PRTG: variants seen among roughly 807,000 people sequenced by gnomAD.
PRTG encodes immunoglobulin superfamily, DCC subclass, member 5.
A neutral mutation model predicts 122.5 loss-of-function variants in PRTG; 67 were observed. The observed-to-expected ratio is 0.55, with a 90% CI of 0.45 to 0.67. The LOEUF (loss-of-function observed/expected upper bound fraction) is 0.67, where lower values mean the gene tolerates loss of function less well. PRTG is among the 30% of genes least tolerant of loss of function. The pLI is 0.00. For synonymous variants in PRTG, 554 were observed against 501.1 expected (o/e 1.11, Z -1.41); for missense variants, 1,435 against 1,415.4 (o/e 1.01, Z -0.22).
Position 55,742,994 on chromosome 15 carries a change from G to A in PRTG, c.-63C>T, listed in dbSNP as rs1271963018. On this transcript the variant is annotated 5_prime_UTR_variant, in exon 1 of 20. Transcript: ENST00000389286. ...GAGCCCCTGTCCGTCTGCGGCCCCC[G>A]CCCCGGGCGCTCTCTGCTCTGCGGC... 1.4e-5 allele frequency: 19 copies of A among 1,388,802 alleles called. No individual in the cohort carries two copies. The African/African-American group carries it at 2.3e-4, about 17-fold the overall frequency. The allele number at this position is 1,388,802 out of a possible 1,614,324, so 86.0% of individuals were successfully genotyped here.
intron 2 of PRTG, among the ~76,000 whole-genome samples, chr15:55,720,785 A>G (rs1263659221): frequency 6.6e-6 from 1 of 152,190 alleles, no homozygotes; most frequent in Non-Finnish European, 1.5e-5. Context: ...CGCTAACACT[A>G]ATGATAGGTG....
chr15:55,665,966 G>A (rs2059437084), intron 11 of PRTG, among the ~76,000 whole-genome samples: 1 of 152,146 alleles, frequency 6.6e-6, no homozygotes, highest in East Asian at 1.9e-4. Flanking sequence ...ATAACCACAT[G>A]CATGCATTTA....
intron 2 of PRTG, among the ~76,000 whole-genome samples, chr15:55,737,071 T>A (rs954718733): frequency 6.6e-6 from 1 of 152,220 alleles, no homozygotes; most frequent in African/African-American, 2.4e-5. Flanking sequence ...ATAGATCATT[T>A]CTTATTCCTA....
intron 11 of PRTG, among the ~76,000 whole-genome samples, chr15:55,644,693 G>T (rs1379219660): frequency 6.6e-6 from 1 of 152,008 alleles, no homozygotes; most frequent in African/African-American, 2.4e-5. Flanking sequence ...TCATCAGGGA[G>T]TAACTGTCTC....
At chr15:55,671,702 T>C (rs1483449304) in intron 11 of PRTG, among the ~76,000 whole-genome samples, 1 of 152,134 alleles carries the variant, frequency 6.6e-6, no homozygotes, top group Non-Finnish European at 1.5e-5. Flanking sequence ...GGTTTCACCA[T>C]GTTGGCCAGG....
chr15:55,672,143 CT>C lies in PRTG; in HGVS notation c.2041+301del, dbSNP rs140082259. Among the ~76,000 whole-genome samples the C allele has an allele frequency of 4.5e-3, 688 of 152,302 alleles. 4 individuals are homozygous for C. The highest frequency in any genetic ancestry group is 0.016 in the African/African-American group (664 of 41,560). ...ATTGCTATTCTACATCCGCCACACA[CT>C]CACAATAATTGATCAGGACCTCAGT... On this transcript the variant is annotated intron_variant, in intron 11 of 19. Coordinates refer to ENST00000389286, the MANE Select transcript of PRTG (RefSeq NM_173814.6).
Position 55,682,223 on chromosome 15 carries a change from C to G in PRTG, c.676+141G>C, listed in dbSNP as rs2059542553. ...CTATGAAAGAAGAGTTGCTTAATAA[C>G]TAAAAATGACCATTTTCCAAATAGA... is the stretch of plus-strand genomic sequence containing the variant. On this transcript the variant is annotated intron_variant, in intron 4 of 19. Coordinates refer to ENST00000389286, the MANE Select transcript of PRTG (RefSeq NM_173814.6). 6.1e-6 allele frequency: 4 copies of G among 654,918 alleles called. No individual in the cohort carries two copies. In the African/African-American group the frequency reaches 7.6e-5, roughly 12 times the overall value. 40.6% of individuals were successfully genotyped at this position (654,918 alleles called of 1,614,324 possible).
In PRTG at chr15:55,641,153, G is replaced by A. The variant is rs752211432; in HGVS notation, c.2097C>T (p.Gly699=). ...RLLAYNNIDD[G]YQADQTVSTP... ...TGCTGACAGTCTGATCTGCCTGATA[G>A]CCATCGTCTATGTTGTTGTAAGCCA... The change falls in exon 12 of 20, where the codon GGC becomes GGT. Residue 699 remains glycine, a synonymous_variant. Transcript: ENST00000389286. 2.5e-6 allele frequency: 4 copies of A among 1,614,002 alleles called. No individual in the cohort carries two copies. Among genetic ancestry groups the A allele is most frequent in the Non-Finnish European group, 3.4e-6 (4 of 1,179,918 alleles).
intron 15 of PRTG, among the ~76,000 whole-genome samples, chr15:55,634,744 A>G (rs979053077): frequency 6.6e-6 from 1 of 151,888 alleles, no homozygotes; most frequent in Non-Finnish European, 1.5e-5. Flanking sequence ...CGGGAGGCTG[A>G]GGCAGGAGAA....
intron 11 of PRTG, among the ~76,000 whole-genome samples, chr15:55,670,996 G>A (rs1178321086): frequency 6.6e-6 from 1 of 152,054 alleles, no homozygotes; most frequent in African/African-American, 2.4e-5. Context: ...AAAACTGTGT[G>A]ACAGAGATCA....
At chr15:55,697,109 T>A (rs937297326) in intron 2 of PRTG, among the ~76,000 whole-genome samples, 2 of 152,192 alleles carry the variant, frequency 1.3e-5, no homozygotes, top group African/African-American at 4.8e-5. Context: ...ACTCCCCATG[T>A]TCAATTTATT....
intron 15 of PRTG, among the ~76,000 whole-genome samples, chr15:55,635,255 C>A (rs1430156514): frequency 1.3e-5 from 2 of 152,192 alleles, no homozygotes; most frequent in Non-Finnish European, 2.9e-5. Context: ...CCATGCCTGC[C>A]TAATTTTTGT....
At position 55,718,084 on chromosome 15, in the gene PRTG, T is replaced by C. The variant is rs534021382; in HGVS notation, c.397+22298A>G. On this transcript the variant is annotated intron_variant, in intron 2 of 19. Transcript: ENST00000389286. ...TAAATCTGGTAAGCGGCCTTTTTTT[T>C]ACTCTCTTCTCCAACCTCTCTCACT... Among the ~76,000 whole-genome samples, 9 of 152,274 alleles carry C rather than the reference T, an allele frequency of 5.9e-5. No individual in the cohort carries two copies. In the South Asian group the frequency reaches 8.3e-4, roughly 14 times the overall value.
chr15:55,683,965 T>C (rs1383213076), intron 2 of PRTG, 34 bp from the exon 3 acceptor site: 1 of 1,581,660 alleles, frequency 6.3e-7, no homozygotes, highest in Non-Finnish European at 8.7e-7. Context: ...TCAGAATAAG[T>C]GCATGAAAAT....
At position 55,675,184 on chromosome 15, in the gene PRTG, T is replaced by C. The variant is rs183915057; in HGVS notation, c.1546+335A>G. Among the ~76,000 whole-genome samples, 131 of 152,232 alleles carry C rather than the reference T, an allele frequency of 8.6e-4. 1 individual carries two copies. The highest frequency in any genetic ancestry group is 1.6e-3 in the Non-Finnish European group (108 of 67,974). ...AGTACCTCTGGCCCTGGTCACTACA[T>C]ACACTCAATATGTAACAGTCATTAC... On this transcript the variant is annotated intron_variant, in intron 9 of 19. Coordinates refer to ENST00000389286, the MANE Select transcript of PRTG (RefSeq NM_173814.6).
intron 11 of PRTG, among the ~76,000 whole-genome samples, chr15:55,669,524 T>A (rs1453515978): frequency 6.6e-6 from 1 of 152,124 alleles, no homozygotes; most frequent in African/African-American, 2.4e-5. Flanking sequence ...TATTCGAAAG[T>A]AAGAAGGAAA....
At chr15:55,677,319 T>C (rs1022077342) in intron 8 of PRTG, among the ~76,000 whole-genome samples, 22 of 152,138 alleles carry the variant, frequency 1.4e-4, no homozygotes, top group African/African-American at 5.3e-4. Context: ...ATTCAAAATA[T>C]ACAAAATACT....
intron 17 of PRTG, among the ~76,000 whole-genome samples, chr15:55,624,725 TC>T (rs2059185561): frequency 6.6e-6 from 1 of 152,250 alleles, no homozygotes; most frequent in African/African-American, 2.4e-5. Flanking sequence ...GTCTACTTCA[TC>T]TAAAATTACT....
At chr15:55,707,810 T>C (rs1457500192) in intron 2 of PRTG, among the ~76,000 whole-genome samples, 1 of 152,128 alleles carries the variant, frequency 6.6e-6, no homozygotes, top group Non-Finnish European at 1.5e-5. Flanking sequence ...TTATAACAAA[T>C]GTCACAGAAA....
Sources: gnomAD v4.1 joint callset for allele counts (sites outside exome capture counted in the v4.1 genomes callset) on GRCh38, gnomAD v4.1.1 for gene constraint, MANE v1.5 for transcripts, NCBI Gene and HGNC (gene_info 2026-07-23, HGNC 2026-07-21) for gene names.